Variants in LRCH1 observed in about 807,000 individuals in gnomAD.
LRCH1 encodes the protein leucine-rich repeat and calponin homology domain-containing protein 1.
In LRCH1, 23 loss-of-function variants were observed where a neutral mutation model predicts 94.9. That is an observed-to-expected ratio of 0.24 (90% confidence interval 0.17 to 0.34). LRCH1 has a LOEUF of 0.34. Ranked by LOEUF, LRCH1 falls within the 10% of genes least tolerant of loss-of-function variation. LRCH1 has a pLI of 1.00. For missense variants in LRCH1, 790 were observed against 945.9 expected (o/e 0.84, Z 2.16); for synonymous variants, 364 against 354.9 (o/e 1.03, Z -0.29).
chr13:46,604,051 G>C (rs777412979), intron 1 of LRCH1, among the ~76,000 whole-genome samples: 2 of 152,172 alleles, frequency 1.3e-5, no homozygotes, highest in African/African-American at 2.4e-5. Flanking sequence ...AGAATAGTTT[G>C]GAGGAGTATT....
At chr13:46,669,628 G>A (rs936528863) in intron 3 of LRCH1, among the ~76,000 whole-genome samples, 17 of 152,290 alleles carry the variant, frequency 1.1e-4, no homozygotes, top group African/African-American at 4.1e-4. Context: ...ATGTGACCGT[G>A]TCCCTAGGGA....
At chr13:46,643,151 T>G (rs766749965) in intron 1 of LRCH1, among the ~76,000 whole-genome samples, 1 of 152,242 alleles carries the variant, frequency 6.6e-6, no homozygotes, top group Non-Finnish European at 1.5e-5. Flanking sequence ...CCTTGCCCAT[T>G]TGCTCCCTCT....
At chr13:46,661,571 CTG>C (rs1158055505) in intron 2 of LRCH1, among the ~76,000 whole-genome samples, 2 of 152,068 alleles carry the variant, frequency 1.3e-5, no homozygotes, top group Non-Finnish European at 2.9e-5. Flanking sequence ...AAACTTTACT[CTG>C]TGTAAAAATG....
At chr13:46,677,921 G>A (rs960110646) in intron 3 of LRCH1, among the ~76,000 whole-genome samples, 84 of 152,214 alleles carry the variant, frequency 5.5e-4, no homozygotes, top group African/African-American at 1.9e-3. Context: ...TGGTATTATA[G>A]TACTAACTAT....
At chr13:46,585,564 AAAAAAAAC>A (rs1566158547) in intron 1 of LRCH1, among the ~76,000 whole-genome samples, 1 of 151,850 alleles carries the variant, frequency 6.6e-6, no homozygotes, top group Admixed American at 6.6e-5. Flanking sequence ...AAAAAAAAAA[AAAAAAAAC>A]AAAAAAACGC....
chr13:46,582,370 C>CTTTTTTTTTT (rs10686269), intron 1 of LRCH1, among the ~76,000 whole-genome samples: 7 of 79,584 alleles, frequency 8.8e-5, no homozygotes, highest in African/African-American at 1.0e-4. Flanking sequence ...TTGCTCTCAT[C>CTTTTTTTTTT]TTTTTTTTTT....
intron 1 of LRCH1, among the ~76,000 whole-genome samples, chr13:46,590,666 AAAAT>A: frequency 6.6e-6 from 1 of 152,272 alleles, no homozygotes; most frequent in Middle Eastern, 3.4e-3. Context: ...CCCTATCTCA[AAAAT>A]AAAATAAAAT....
intron 3 of LRCH1, among the ~76,000 whole-genome samples, chr13:46,681,497 G>C (rs565142646): frequency 4.1e-4 from 62 of 152,318 alleles, no homozygotes; most frequent in Admixed American, 1.2e-3. Flanking sequence ...CCAGAGGCTG[G>C]TGAAGCAGCT....
intron 7 of LRCH1, among the ~76,000 whole-genome samples, chr13:46,689,618 G>A (rs1359253258): frequency 6.6e-6 from 1 of 152,124 alleles, no homozygotes; most frequent in Admixed American, 6.5e-5. Flanking sequence ...GGAATCAACT[G>A]TACATTTTAT....
chr13:46,660,172 C>A (rs1034779359), intron 2 of LRCH1, among the ~76,000 whole-genome samples: 2 of 151,486 alleles, frequency 1.3e-5, no homozygotes, highest in Non-Finnish European at 2.9e-5. Context: ...CCACCACGCC[C>A]GGCTAATTTT....
At chr13:46,720,025 A>T (rs1872526906) in intron 16 of LRCH1, among the ~76,000 whole-genome samples, 1 of 152,008 alleles carries the variant, frequency 6.6e-6, no homozygotes, top group South Asian at 2.1e-4. Context: ...AATGTTATTT[A>T]TACAACATAC....
At chr13:46,688,034 C>T in intron 6 of LRCH1, 55 bp downstream of exon 6, 1 of 1,512,962 alleles carries the variant, frequency 6.6e-7, no homozygotes, top group Non-Finnish European at 8.9e-7. Context: ...GGCCAAGGCC[C>T]TCCAGGTAGC....
intron 1 of LRCH1, among the ~76,000 whole-genome samples, chr13:46,637,800 C>A (rs74076741): frequency 0.027 from 4,103 of 152,260 alleles, 199 homozygotes; most frequent in African/African-American, 0.092. Context: ...TTGTATCACC[C>A]CACTGGAGGG....
intron 1 of LRCH1, among the ~76,000 whole-genome samples, chr13:46,593,604 G>C (rs780003291): frequency 6.6e-6 from 1 of 152,118 alleles, no homozygotes; most frequent in African/African-American, 2.4e-5. Flanking sequence ...GTGTGTTGGC[G>C]AGAGTGGCTG....
At chr13:46,649,282 C>T (rs1436739337) in intron 1 of LRCH1, among the ~76,000 whole-genome samples, 1 of 152,100 alleles carries the variant, frequency 6.6e-6, no homozygotes, top group Non-Finnish European at 1.5e-5. Flanking sequence ...TCTTCTGATA[C>T]AGGGTGAGGT....
rs528500435 is a variant in LRCH1 at position 46,628,099 on chromosome 13, C to A, written c.308-22102C>A. ...AATCTATGCTACTTTGCAAGCACAG[C>A]ACTAACAAAAACAATGAAAACCATC... is the stretch of plus-strand genomic sequence containing the variant. On this transcript the variant is annotated intron_variant, in intron 1 of 19. Coordinates refer to ENST00000389797, the MANE Select transcript of LRCH1 (RefSeq NM_001164211.2). Among the ~76,000 whole-genome samples, 7 of 152,250 alleles carry A rather than the reference C, an allele frequency of 4.6e-5. No homozygotes were observed. In the South Asian group the frequency reaches 1.5e-3, roughly 32 times the overall value.
chr13:46,689,396 TA>T (rs1870782592), intron 7 of LRCH1, among the ~76,000 whole-genome samples, 200 bp downstream of exon 7: 1 of 152,182 alleles, frequency 6.6e-6, no homozygotes, highest in Non-Finnish European at 1.5e-5. Context: ...TCTGCATCTT[TA>T]ATATCTTTAA....
At chr13:46,728,206 C>A (rs564152354) in intron 17 of LRCH1, among the ~76,000 whole-genome samples, 1 of 150,296 alleles carries the variant, frequency 6.7e-6, no homozygotes, top group Admixed American at 6.6e-5. Flanking sequence ...TGTGAGCCAC[C>A]ACTCCTGGCC....
intron 17 of LRCH1, among the ~76,000 whole-genome samples, chr13:46,726,763 A>C: frequency 7.2e-6 from 1 of 138,614 alleles, no homozygotes. Context: ...CCCCTCCCCC[A>C]CTCCCTGGCC....
Sources: allele counts gnomAD v4.1 joint callset (sites outside exome capture counted in the v4.1 genomes callset), GRCh38; gene constraint gnomAD v4.1.1; transcripts MANE v1.5; gene names NCBI Gene and HGNC (gene_info 2026-07-23, HGNC 2026-07-21).